DRC8: variants seen among roughly 807,000 people sequenced by gnomAD.
DRC8 encodes the protein dynein regulatory complex protein 8.
chr1:244,996,041 A>G, the DRC8 span, among the ~76,000 whole-genome samples: 5 of 152,208 alleles, frequency 3.3e-5, no homozygotes, highest in Non-Finnish European at 5.9e-5. Flanking sequence ...GCTTAAGACA[A>G]TAAACATTTA....
the DRC8 span, among the ~76,000 whole-genome samples, chr1:245,093,163 A>G: frequency 6.6e-5 from 10 of 151,970 alleles, no homozygotes; most frequent in Admixed American, 3.9e-4. Context: ...ATTGGAGAGA[A>G]CGTGCGCATA....
the DRC8 span, among the ~76,000 whole-genome samples, chr1:245,051,963 G>A: frequency 3.9e-5 from 6 of 152,172 alleles, no homozygotes; most frequent in African/African-American, 1.4e-4. Context: ...TAAAGGTGAC[G>A]TGAGGATTAA....
At chr1:245,079,806 T>A in the DRC8 span, among the ~76,000 whole-genome samples, 21 of 152,234 alleles carry the variant, frequency 1.4e-4, no homozygotes, top group African/African-American at 4.8e-4. Flanking sequence ...TTAAAATTCC[T>A]CCTCCGGAGA....
chr1:245,083,799 GTTA>G, the DRC8 span: 1 of 1,422,746 alleles, frequency 7.0e-7, no homozygotes, highest in Non-Finnish European at 9.3e-7. Context: ...TCTGGTGAAA[GTTA>G]TTTACTGTTC....
At chr1:245,062,851 T>A in the DRC8 span, among the ~76,000 whole-genome samples, 1 of 152,244 alleles carries the variant, frequency 6.6e-6, no homozygotes, top group African/African-American at 2.4e-5. Context: ...TCAATCTGTC[T>A]GCTCATTATA....
At chr1:245,105,933 G>A in the DRC8 span, among the ~76,000 whole-genome samples, 1 of 152,268 alleles carries the variant, frequency 6.6e-6, no homozygotes, top group African/African-American at 2.4e-5. Context: ...TAAAAAATTA[G>A]CTGGGTATGG....
the DRC8 span, among the ~76,000 whole-genome samples, chr1:245,057,510 C>G: frequency 6.6e-6 from 1 of 152,174 alleles, no homozygotes; most frequent in Admixed American, 6.6e-5. Flanking sequence ...GTATTTTACA[C>G]TGACAGTACA....
chr1:245,038,872 A>G, the DRC8 span, among the ~76,000 whole-genome samples: 11,690 of 151,886 alleles, frequency 0.077, 1,222 homozygotes, highest in African/African-American at 0.23. Context: ...AAAATTTTAC[A>G]TAATAAAATT....
the DRC8 span, among the ~76,000 whole-genome samples, chr1:245,079,079 A>G: frequency 1.3e-5 from 2 of 152,228 alleles, no homozygotes; most frequent in African/African-American, 2.4e-5. Context: ...ATTCAAATAT[A>G]AAATCCTTTT....
the DRC8 span, among the ~76,000 whole-genome samples, chr1:244,997,052 A>G: frequency 6.6e-6 from 1 of 152,218 alleles, no homozygotes; most frequent in Non-Finnish European, 1.5e-5. Context: ...AATAGTTTTT[A>G]TACTGTATTG....
the DRC8 span, among the ~76,000 whole-genome samples, chr1:245,024,891 G>A: frequency 0.15 from 22,261 of 152,004 alleles, 2,454 homozygotes; most frequent in African/African-American, 0.31. Flanking sequence ...TCTTAAAACT[G>A]TTTGTATTTC....
At chr1:245,023,998 C>T in the DRC8 span, among the ~76,000 whole-genome samples, 8 of 151,948 alleles carry the variant, frequency 5.3e-5, no homozygotes, top group African/African-American at 1.2e-4. Context: ...GGTGAAACCC[C>T]GTCTCTACTA....
At chr1:244,980,674 T>C in the DRC8 span, among the ~76,000 whole-genome samples, 1 of 152,202 alleles carries the variant, frequency 6.6e-6, no homozygotes, top group Non-Finnish European at 1.5e-5. Context: ...AGTAGAGTTA[T>C]GTAAATAATA....
chr1:244,987,243 C>G, the DRC8 span, among the ~76,000 whole-genome samples: 427 of 151,010 alleles, frequency 2.8e-3, 5 homozygotes, highest in Admixed American at 7.3e-4. Context: ...CTCTGTCGCT[C>G]TGGCTGGAGT....
the DRC8 span, among the ~76,000 whole-genome samples, chr1:245,028,249 T>C: frequency 6.6e-6 from 1 of 152,238 alleles, no homozygotes; most frequent in East Asian, 1.9e-4. Flanking sequence ...TGACATCTTA[T>C]AAATTTACAC....
At chr1:245,077,259 T>C in the DRC8 span, among the ~76,000 whole-genome samples, 1 of 152,176 alleles carries the variant, frequency 6.6e-6, no homozygotes, top group African/African-American at 2.4e-5. Flanking sequence ...ATCAGCATGA[T>C]TAAACATCTA....
the DRC8 span, among the ~76,000 whole-genome samples, chr1:245,084,058 T>TCCC: frequency 4.0e-4 from 12 of 30,100 alleles, no homozygotes; most frequent in Non-Finnish European, 7.0e-4. Context: ...AATATAAAAA[T>TCCC]TCCGCCCCCC....
chr1:245,025,681 A>G, the DRC8 span, among the ~76,000 whole-genome samples: 3 of 152,136 alleles, frequency 2.0e-5, no homozygotes, highest in Non-Finnish European at 2.9e-5. Flanking sequence ...TCTGTGTGAT[A>G]TGGTTTCACT....
the DRC8 span, among the ~76,000 whole-genome samples, chr1:245,113,614 ATC>A: frequency 2.0e-5 from 3 of 152,216 alleles, no homozygotes; most frequent in Non-Finnish European, 4.4e-5. Context: ...GCCACTTATG[ATC>A]ATACAATACG....
Sources: allele counts gnomAD v4.1 joint callset (sites outside exome capture counted in the v4.1 genomes callset), GRCh38; gene constraint gnomAD v4.1.1; transcripts MANE v1.5; gene names NCBI Gene and HGNC (gene_info 2026-07-23, HGNC 2026-07-21).